Variants in FTO observed in about 807,000 individuals in gnomAD.
FTO encodes the protein alpha-ketoglutarate-dependent dioxygenase FTO.
In FTO, 47 loss-of-function variants were observed where a neutral mutation model predicts 63.9. That is an observed-to-expected ratio of 0.74 (90% CI 0.58 to 0.94). The LOEUF (loss-of-function observed/expected upper bound fraction) is 0.94, where lower values mean the gene tolerates loss of function less well. Among genes scored for constraint, FTO ranks in the 40% least tolerant of loss-of-function variants. The pLI, the probability that FTO is intolerant of heterozygous loss-of-function variation, is 0.00. For missense variants in FTO, 562 were observed against 618.1 expected, an observed-to-expected ratio of 0.91 and a Z score of 0.96; for synonymous variants, 207 against 224.4, an observed-to-expected ratio of 0.92 and a Z score of 0.69.
Position 53,893,826 on chromosome 16 carries a change from T to C in FTO, c.1239+4875T>C, listed in dbSNP as rs149195540. 2.0e-5 allele frequency among the ~76,000 whole-genome samples: 3 copies of C among 152,338 alleles called. No homozygotes were observed. In the East Asian group the frequency reaches 5.8e-4, roughly 29 times the overall value. Reference sequence around the variant, plus strand: ...TAGAATAAAAAGTAGATCCTGATGGTTTTGAATGTTTTGAATTGCGTTTCC... The same window carrying C: ...TAGAATAAAAAGTAGATCCTGATGGCTTTGAATGTTTTGAATTGCGTTTCC... On this transcript the variant is annotated intron_variant, in intron 7 of 8. Coordinates refer to ENST00000471389, the MANE Select transcript of FTO (RefSeq NM_001080432.3).
chr16:53,884,888 G>C (rs1387818552), intron 6 of FTO, among the ~76,000 whole-genome samples: 2 of 152,178 alleles, frequency 1.3e-5, no homozygotes, highest in Non-Finnish European at 2.9e-5. Context: ...TTGTTTCCCT[G>C]CTATTGAGGT....
At chr16:53,878,847 G>A (rs1175182691) in intron 5 of FTO, among the ~76,000 whole-genome samples, 3 of 152,194 alleles carry the variant, frequency 2.0e-5, no homozygotes, top group Admixed American at 6.5e-5. Flanking sequence ...CCTTGCTGAG[G>A]CCCAGGTACT....
chr16:54,093,361 C>A (rs2086439878), intron 8 of FTO, among the ~76,000 whole-genome samples: 1 of 152,266 alleles, frequency 6.6e-6, no homozygotes, highest in Non-Finnish European at 1.5e-5. Context: ...TCTGTGCCAA[C>A]TCCCAGGTGG....
intron 1 of FTO, among the ~76,000 whole-genome samples, chr16:53,765,526 C>T (rs2077179271): frequency 6.9e-6 from 1 of 143,932 alleles, no homozygotes; most frequent in Admixed American, 7.1e-5. Context: ...CATTGCACTC[C>T]AGCCTGGGCA....
chr16:53,737,487 A>G (rs145204205), intron 1 of FTO, among the ~76,000 whole-genome samples: 280 of 152,358 alleles, frequency 1.8e-3, no homozygotes, highest in Middle Eastern at 6.8e-3. Flanking sequence ...ACTGTAGGCA[A>G]TTGTAGCACA....
At chr16:53,858,015 T>C (rs2080058329) in intron 4 of FTO, among the ~76,000 whole-genome samples, 1 of 152,056 alleles carries the variant, frequency 6.6e-6, no homozygotes, top group South Asian at 2.1e-4. Flanking sequence ...AGATGCAAAA[T>C]GTTTGTACAA....
chr16:54,003,104 T>A (rs2084107491), intron 8 of FTO, among the ~76,000 whole-genome samples: 1 of 152,230 alleles, frequency 6.6e-6, no homozygotes, highest in Non-Finnish European at 1.5e-5. Flanking sequence ...CCTTATGGAA[T>A]TCTGGGAAGA....
At chr16:54,021,203 C>T (rs1376738482) in intron 8 of FTO, among the ~76,000 whole-genome samples, 1 of 151,928 alleles carries the variant, frequency 6.6e-6, no homozygotes, top group African/African-American at 2.4e-5. Context: ...TATTCTTCTA[C>T]CATCCTCATC....
At chr16:53,873,752 A>G (rs1208691430) in intron 4 of FTO, 34 bp from the exon 5 acceptor site, 1 of 1,520,290 alleles carries the variant, frequency 6.6e-7, no homozygotes, top group Non-Finnish European at 9.1e-7. Context: ...ACTAATAAAT[A>G]TGGTTTTATA....
At chr16:54,021,551 G>C (rs187082765) in intron 8 of FTO, among the ~76,000 whole-genome samples, 1 of 152,096 alleles carries the variant, frequency 6.6e-6, no homozygotes, top group Non-Finnish European at 1.5e-5. Flanking sequence ...GTGCAGTGTC[G>C]CAATCTCGGC....
intron 8 of FTO, among the ~76,000 whole-genome samples, chr16:53,986,222 C>T (rs542358771): frequency 1.3e-5 from 2 of 152,260 alleles, no homozygotes; most frequent in Admixed American, 6.5e-5. Flanking sequence ...CCACCAAACG[C>T]CTGAAATTCA....
At chr16:53,891,546 AG>A (rs1482492449) in intron 7 of FTO, among the ~76,000 whole-genome samples, 2 of 152,014 alleles carry the variant, frequency 1.3e-5, no homozygotes, top group African/African-American at 4.8e-5. Flanking sequence ...CTATGGTCTG[AG>A]CTACTTGGGA....
intron 8 of FTO, among the ~76,000 whole-genome samples, chr16:54,088,848 T>G (rs1454113840): frequency 1.3e-5 from 2 of 152,188 alleles, no homozygotes; most frequent in African/African-American, 2.4e-5. Flanking sequence ...GTATTCAGTT[T>G]TCCATTTACC....
In FTO at chr16:54,118,737, C is replaced by G. The variant is rs1180191730; in HGVS notation, c.*6822C>G. 6.6e-6 allele frequency: 1 copy of G among 152,110 alleles called. No homozygotes were observed. Among genetic ancestry groups the G allele is most frequent in the Non-Finnish European group, 1.5e-5 (1 of 68,044 alleles). 9.4% of individuals were successfully genotyped at this position (152,110 alleles called of 1,614,324 possible). ...TCGTGGTGCCAGTTTCAAGGGCACC[C>G]TTCTTCCCTTCCCAGCCTCCGAGAG... On this transcript the variant is annotated 3_prime_UTR_variant, in exon 9 of 9. Coordinates refer to ENST00000471389, the MANE Select transcript of FTO (RefSeq NM_001080432.3).
At chr16:54,014,659 T>C (rs1301789912) in intron 8 of FTO, among the ~76,000 whole-genome samples, 1 of 152,046 alleles carries the variant, frequency 6.6e-6, no homozygotes, top group Admixed American at 6.6e-5. Flanking sequence ...GAAACCTCCT[T>C]TAGTTTTGCA....
intron 8 of FTO, among the ~76,000 whole-genome samples, chr16:54,028,856 A>C (rs4783829): frequency 0.21 from 32,420 of 152,034 alleles, 4,700 homozygotes; most frequent in African/African-American, 0.4. Flanking sequence ...CTCTCTCTAC[A>C]TTGTTATTAG....
At chr16:54,018,512 A>G (rs1216867302) in intron 8 of FTO, among the ~76,000 whole-genome samples, 3 of 152,056 alleles carry the variant, frequency 2.0e-5, no homozygotes, top group Non-Finnish European at 4.4e-5. Flanking sequence ...ACAAATGGTG[A>G]TATGGATTGG....
chr16:53,845,958 C>G (rs933894644), intron 4 of FTO, among the ~76,000 whole-genome samples: 1 of 152,196 alleles, frequency 6.6e-6, no homozygotes, highest in Admixed American at 6.5e-5. Flanking sequence ...TGCCCTTCAT[C>G]TCTTGCCTTC....
At chr16:54,094,565 G>A (rs573358506) in intron 8 of FTO, among the ~76,000 whole-genome samples, 3 of 152,324 alleles carry the variant, frequency 2.0e-5, no homozygotes, top group African/African-American at 7.2e-5. Flanking sequence ...AAAAAGAACA[G>A]CATAAATTGG....
Sources: allele counts gnomAD v4.1 joint callset (sites outside exome capture counted in the v4.1 genomes callset), GRCh38; gene constraint gnomAD v4.1.1; transcripts MANE v1.5; gene names NCBI Gene and HGNC (gene_info 2026-07-23, HGNC 2026-07-21).